The following PRKCE variants were observed in gnomAD, a reference collection of about 807,000 sequenced individuals.
PRKCE encodes the protein protein kinase C epsilon type.
PRKCE carries 16 observed loss-of-function variants against 85.4 expected under a neutral mutation model. The ratio of observed to expected loss-of-function variants is 0.19; its 90% CI spans 0.13 to 0.28. PRKCE has a LOEUF of 0.28. PRKCE is among the 10% of genes least tolerant of loss of function. The probability of loss-of-function intolerance (pLI) is 1.00; values close to 1 mark genes in which losing one functional copy is unlikely to be tolerated. For synonymous variants in PRKCE, 388 were observed against 371.5 expected (o/e 1.04, Z -0.51); for missense variants, 573 against 975.2 (o/e 0.59, Z 5.49).
chr2:46,090,272 C>T (rs1221861850), intron 11 of PRKCE, among the ~76,000 whole-genome samples: 2 of 152,092 alleles, frequency 1.3e-5, no homozygotes, highest in Non-Finnish European at 2.9e-5. Flanking sequence ...ATTGGGGGAC[C>T]GTAGCTCAAG....
intron 1 of PRKCE, among the ~76,000 whole-genome samples, chr2:45,756,950 T>C (rs1211371116): frequency 1.3e-5 from 2 of 152,208 alleles, no homozygotes; most frequent in Non-Finnish European, 2.9e-5. Context: ...CAAGGTTTAC[T>C]CTTATTTAAA....
At chr2:45,862,229 G>C (rs1693222341) in intron 2 of PRKCE, among the ~76,000 whole-genome samples, 2 of 129,328 alleles carry the variant, frequency 1.5e-5, no homozygotes, top group African/African-American at 3.2e-5. Context: ...CACACACACA[G>C]TATTTCAAAT....
chr2:45,927,096 G>T (rs1049562098), intron 2 of PRKCE, among the ~76,000 whole-genome samples: 25 of 151,860 alleles, frequency 1.6e-4, no homozygotes, highest in African/African-American at 6.1e-4. Flanking sequence ...GCGTGCATGG[G>T]ACAAGGATGG....
chr2:45,679,281 G>T (rs1417790214), intron 1 of PRKCE, among the ~76,000 whole-genome samples: 2 of 152,178 alleles, frequency 1.3e-5, no homozygotes, highest in African/African-American at 4.8e-5. Flanking sequence ...AGAATACACA[G>T]TATTGGAAGC....
intron 1 of PRKCE, among the ~76,000 whole-genome samples, chr2:45,687,498 G>T (rs914240649): frequency 6.6e-6 from 1 of 152,090 alleles, no homozygotes; most frequent in East Asian, 1.9e-4. Flanking sequence ...TTCTACAGTG[G>T]GTGTTTTGAT....
chr2:46,100,744 G>C (rs1671131137), intron 11 of PRKCE, among the ~76,000 whole-genome samples: 1 of 152,238 alleles, frequency 6.6e-6, no homozygotes, highest in Non-Finnish European at 1.5e-5. Flanking sequence ...AACAGACAAC[G>C]AGTAAGTCAT....
chr2:45,977,405 G>C (rs150240248), intron 3 of PRKCE, among the ~76,000 whole-genome samples: 3 of 152,076 alleles, frequency 2.0e-5, no homozygotes, highest in Non-Finnish European at 4.4e-5. Context: ...GGGAGGCCGA[G>C]GCACGCAGAT....
At chr2:45,809,602 G>C (rs1353975920) in intron 1 of PRKCE, among the ~76,000 whole-genome samples, 1 of 151,840 alleles carries the variant, frequency 6.6e-6, no homozygotes, top group Non-Finnish European at 1.5e-5. Flanking sequence ...GTCTGGGTAC[G>C]GTCGGGCACG....
chr2:45,948,397 G>T (rs538537963), intron 2 of PRKCE, among the ~76,000 whole-genome samples: 11 of 152,254 alleles, frequency 7.2e-5, no homozygotes, highest in African/African-American at 2.6e-4. Flanking sequence ...CCTAGTACTT[G>T]GGGAGGCCAA....
chr2:45,884,954 C>CATATATATAT (rs745477412), intron 2 of PRKCE, among the ~76,000 whole-genome samples: 22 of 37,556 alleles, frequency 5.9e-4, no homozygotes, highest in Non-Finnish European at 7.2e-4. Flanking sequence ...ATATGTGATC[C>CATATATATAT]ATATATATAT....
intron 10 of PRKCE, among the ~76,000 whole-genome samples, chr2:46,021,265 C>A (rs949974947): frequency 2.0e-5 from 3 of 152,182 alleles, no homozygotes; most frequent in Non-Finnish European, 4.4e-5. Flanking sequence ...AGTTCTTACT[C>A]TGCTAGGCAA....
chr2:45,818,444 C>T (rs7596891), intron 1 of PRKCE, among the ~76,000 whole-genome samples: 9,655 of 152,176 alleles, frequency 0.063, 345 homozygotes, highest in South Asian at 0.11. Context: ...AATAAACTAC[C>T]CTGGGTCTCA....
At chr2:45,939,433 C>T (rs1314193450) in intron 2 of PRKCE, among the ~76,000 whole-genome samples, 1 of 152,192 alleles carries the variant, frequency 6.6e-6, no homozygotes, top group African/African-American at 2.4e-5. Flanking sequence ...CCGTATTCTC[C>T]TGTAGAGTAG....
intron 2 of PRKCE, among the ~76,000 whole-genome samples, chr2:45,951,024 A>G (rs1271357686): frequency 2.6e-5 from 4 of 152,160 alleles, no homozygotes; most frequent in Admixed American, 2.6e-4. Context: ...CCCAGTCATG[A>G]CTGTGAATTG....
chr2:46,064,014 G>T (rs1298987310), intron 10 of PRKCE, among the ~76,000 whole-genome samples: 1 of 152,144 alleles, frequency 6.6e-6, no homozygotes, highest in Non-Finnish European at 1.5e-5. Flanking sequence ...GGGCACAGTG[G>T]CTCACACCTG....
chr2:46,079,955 A>G (rs1574415481), intron 10 of PRKCE, among the ~76,000 whole-genome samples: 1 of 152,302 alleles, frequency 6.6e-6, no homozygotes, highest in South Asian at 2.1e-4. Context: ...TCCTAATTTT[A>G]TTATTTTACT....
intron 1 of PRKCE, among the ~76,000 whole-genome samples, chr2:45,777,346 G>A (rs1216433378): frequency 6.6e-6 from 1 of 151,980 alleles, no homozygotes; most frequent in African/African-American, 2.4e-5. Context: ...TTGATCTCCT[G>A]GGGAAATGTG....
intron 2 of PRKCE, among the ~76,000 whole-genome samples, chr2:45,968,820 G>C (rs926567085): frequency 3.3e-5 from 5 of 151,946 alleles, no homozygotes; most frequent in African/African-American, 1.2e-4. Flanking sequence ...AAACTTCAAT[G>C]ACCAGACTGG....
chr2:45,801,649 T>G (rs1687878182), intron 1 of PRKCE, among the ~76,000 whole-genome samples: 1 of 151,998 alleles, frequency 6.6e-6, no homozygotes, highest in Admixed American at 6.6e-5. Context: ...GGGAGTGCAG[T>G]TTGAGAGCCA....
Sources: allele counts gnomAD v4.1 joint callset (sites outside exome capture counted in the v4.1 genomes callset), GRCh38; gene constraint gnomAD v4.1.1; transcripts MANE v1.5; gene names NCBI Gene and HGNC (gene_info 2026-07-23, HGNC 2026-07-21).